The following CNTROB variants were observed in gnomAD, a reference collection of about 807,000 sequenced individuals.
CNTROB encodes the protein centrobin, centriole duplication and spindle assembly protein, also known as centrobin.
In CNTROB, 82 loss-of-function variants were observed where a neutral mutation model predicts 115.7. The observed-to-expected ratio is 0.71, with a 90% CI of 0.59 to 0.85. The LOEUF (loss-of-function observed/expected upper bound fraction) is 0.85, where lower values mean the gene tolerates loss of function less well. Among genes scored for constraint, CNTROB ranks in the 40% least tolerant of loss-of-function variants. CNTROB has a pLI of 0.00. For synonymous variants in CNTROB, 439 were observed against 456.4 expected (o/e 0.96, Z 0.49); for missense variants, 1,014 against 1,144.4 (o/e 0.89, Z 1.64).
chr17:7,938,652 T>C (rs2151749184), intron 7 of CNTROB, among the ~76,000 whole-genome samples: 2 of 152,348 alleles, frequency 1.3e-5, no homozygotes, highest in Admixed American at 1.3e-4. Flanking sequence ...CAGATAAGAA[T>C]GTATGCCTAA....
At chr17:7,936,317 G>A (rs1973161821) in intron 4 of CNTROB, 49 bp from the exon 5 acceptor site, 5 of 824,086 alleles carry the variant, frequency 6.1e-6, no homozygotes, top group Non-Finnish European at 8.7e-6. Context: ...TTGGTGCTGT[G>A]GTCATACCAA....
rs980209051 is a variant in CNTROB, at chr17:7,949,110, C to A, written c.2539C>A (p.Pro847Thr). The stretch of plus-strand genomic sequence containing the variant: ...GACTGATGGCCGAGGGGATAATGTC[C>A]CCAGAAGGAACACAGACTCCCGCTT... ...SGTDGRGDNVPRRNTDSRLGE... is the reference protein window; with the variant it reads ...SGTDGRGDNVTRRNTDSRLGE... The change falls in exon 18 of 19, where the codon CCC becomes ACC. Residue 847 changes from proline to threonine, a missense_variant. By Grantham distance (38) the Pro-to-Thr change is conservative. Coordinates refer to ENST00000563694, the MANE Select transcript of CNTROB (RefSeq NM_053051.5). The A allele has an allele frequency of 1.2e-5, 20 of 1,613,908 alleles. No homozygotes were observed. The highest frequency in any genetic ancestry group is 1.7e-5 in the Admixed American group (1 of 59,982).
chr17:7,934,758 A>T (rs781646089), intron 3 of CNTROB, among the ~76,000 whole-genome samples: 3 of 152,128 alleles, frequency 2.0e-5, no homozygotes, highest in African/African-American at 7.2e-5. Context: ...GCTTTCTCTT[A>T]ACCTGCAGTC....
At position 7,939,213 on chromosome 17, in the gene CNTROB, C is replaced by G. The variant is rs1973548875; in HGVS notation, c.928-300C>G. Among the ~76,000 whole-genome samples the G allele has an allele frequency of 6.6e-6, 1 of 152,096 alleles. No individual in the cohort carries two copies. Among genetic ancestry groups the G allele is most frequent in the African/African-American group, 2.4e-5 (1 of 41,394 alleles). Reference sequence around the variant, plus strand: ...GTTAGAGCGATTCTCCTGCCTTTGCCTCCCAAGTAGCTGGAATTACAGGCA... The same window carrying G: ...GTTAGAGCGATTCTCCTGCCTTTGCGTCCCAAGTAGCTGGAATTACAGGCA... On this transcript the variant is annotated intron_variant, in intron 7 of 18. Coordinates refer to ENST00000563694, the MANE Select transcript of CNTROB (RefSeq NM_053051.5). The surrounding 1 kb of genome is among the most constrained non-coding windows in gnomAD (Gnocchi z 4.4).
rs151219604 is a variant in CNTROB, at chr17:7,940,303, A to G, written c.1311+61A>G. On this transcript the variant is annotated intron_variant, in intron 9 of 18. Transcript: ENST00000563694. ...ACAGAAGTAGATCTGAGGCAGAGGG[A>G]CCTCTCAGGAGTTGTGGCAGACACT... is the stretch of plus-strand genomic sequence containing the variant. The G allele has an allele frequency of 4.3e-5, 64 of 1,475,794 alleles. No homozygotes were observed. In the East Asian group the frequency reaches 1.5e-3, roughly 35 times the overall value. The allele number at this position is 1,475,794 out of a possible 1,614,324, so 91.4% of individuals were successfully genotyped here. A position where few individuals can be genotyped will look rare whatever the true frequency, so the allele number is the denominator to read the frequency against.
At position 7,949,377 on chromosome 17, in the gene CNTROB, A is replaced by T. The variant is rs370915500; in HGVS notation, c.2587-8A>T. 3 of 1,613,310 alleles carry T rather than the reference A, an allele frequency of 1.9e-6. No individual in the cohort carries two copies. The highest frequency in any genetic ancestry group is 2.7e-5 in the African/African-American group (2 of 74,880). ...TGATTTCTTCCTCTCTCTTCCCTCA[A>T]CTCTCAGATTCCCTCCCAGGCTGTC... On this transcript the variant is annotated splice_polypyrimidine_tract_variant and splice_region_variant and intron_variant, in intron 18 of 18. Transcript: ENST00000563694.
chr17:7,947,174 A>AG (rs35596636), intron 13 of CNTROB, among the ~76,000 whole-genome samples: 58,078 of 147,868 alleles, frequency 0.39, 12,175 homozygotes, highest in East Asian at 0.75. Context: ...AAAAAAAAAA[A>AG]AAAGAGAGAT....
rs541158099 is a variant in CNTROB at position 7,932,360 on chromosome 17, G to A, written c.-720G>A. 1 of 166,696 alleles carries A rather than the reference G, an allele frequency of 6.0e-6. No homozygotes were observed. Among genetic ancestry groups the A allele is most frequent in the Non-Finnish European group, 1.3e-5 (1 of 76,444 alleles). The allele number at this position is 166,696 out of a possible 1,614,324, so 10.3% of individuals were successfully genotyped here. ...GTAGGCGGAACCAGGTGGTCGTCGGGGCAGAGGATCTCGGGCTAGGCTTGA... is the reference window on the plus strand; with the variant it reads ...GTAGGCGGAACCAGGTGGTCGTCGGAGCAGAGGATCTCGGGCTAGGCTTGA... On this transcript the variant is annotated 5_prime_UTR_variant, in exon 1 of 19. Coordinates refer to ENST00000563694, the MANE Select transcript of CNTROB (RefSeq NM_053051.5).
At position 7,936,715 on chromosome 17, in the gene CNTROB, G is replaced by T; in HGVS notation, c.726G>T (p.Val242=). 6.8e-7 allele frequency: 1 copy of T among 1,473,690 alleles called. No homozygotes were observed. The highest frequency in any genetic ancestry group is 9.5e-7 in the Non-Finnish European group (1 of 1,051,716). 91.3% of individuals were successfully genotyped at this position (1,473,690 alleles called of 1,614,324 possible). Residue 242 remains valine (V), a synonymous_variant, in exon 6 of 19, where the codon GTG becomes GTT. Transcript: ENST00000563694. ...IEQLDKTLAR[V]VEGWNRHEAE... ...CCCTACCTAAGACCCTGGCCCGTGT[G>T]GTGGAGGGCTGGAACCGGCATGAGG...
chr17:7,949,462 G>A lies in CNTROB; in HGVS notation c.2664G>A (p.Gly888=). ...AACCTCCCGCACGGAAGAAAAGTGG[G>A]CACCCTGCCCCGAGTAGCATGAGGA... ...TEKPPARKKS[G]HPAPSSMRSR... The change falls in exon 19 of 19, where the codon GGG becomes GGA. Residue 888 remains glycine, a synonymous_variant. Transcript: ENST00000563694. 1 of 1,614,158 alleles carries A rather than the reference G, an allele frequency of 6.2e-7. No homozygotes were observed. Among genetic ancestry groups the A allele is most frequent in the Non-Finnish European group, 8.5e-7 (1 of 1,180,036 alleles).
Position 7,948,917 on chromosome 17 carries a change from T to C in CNTROB, c.2514-168T>C. 2.7e-6 allele frequency: 4 copies of C among 1,495,912 alleles called. No individual in the cohort carries two copies. The highest frequency in any genetic ancestry group is 1.9e-4 in the Middle Eastern group (1 of 5,292). The allele number at this position is 1,495,912 out of a possible 1,614,324, so 92.7% of individuals were successfully genotyped here. A position where few individuals can be genotyped will look rare whatever the true frequency, so the allele number is the denominator to read the frequency against. On this transcript the variant is annotated intron_variant, in intron 17 of 18. Transcript: ENST00000563694. This position sits in a 1 kb window ranked among gnomAD's most constrained non-coding sequence, Gnocchi z 4.4. Reference sequence around the variant, plus strand: ...GAATCCTAGACTTTTGACTAGCTAGTGTAACTCGTTATTTACTTCCACTAA... The same window carrying C: ...GAATCCTAGACTTTTGACTAGCTAGCGTAACTCGTTATTTACTTCCACTAA...
At position 7,943,901 on chromosome 17, in the gene CNTROB, G is replaced by A. The variant is rs1272978092; in HGVS notation, c.1446-222G>A. 3.3e-5 allele frequency among the ~76,000 whole-genome samples: 5 copies of A among 152,152 alleles called. No homozygotes were observed. The highest frequency in any genetic ancestry group is 5.9e-5 in the Non-Finnish European group (4 of 68,020). On this transcript the variant is annotated intron_variant, in intron 10 of 18. Coordinates refer to ENST00000563694, the MANE Select transcript of CNTROB (RefSeq NM_053051.5). The surrounding 1 kb of genome is among the most constrained non-coding windows in gnomAD (Gnocchi z 4.7). ...TTCTCCTCACACCCATTCTGCTGCCGAGATTTTCTGGAACTGCTTCCGAAA... is the reference window on the plus strand; with the variant it reads ...TTCTCCTCACACCCATTCTGCTGCCAAGATTTTCTGGAACTGCTTCCGAAA...
Position 7,948,092 on chromosome 17 carries a change from G to T in CNTROB, c.2210-65G>T. On this transcript the variant is annotated intron_variant, in intron 15 of 18. Coordinates refer to ENST00000563694, the MANE Select transcript of CNTROB (RefSeq NM_053051.5). The surrounding 1 kb of genome is among the most constrained non-coding windows in gnomAD (Gnocchi z 4.4). ...AAGTAATAAAGCCTTATAAATGCTGGGTGGTGGGACTTCCTTGGTTCTATG... is the reference window on the plus strand; with the variant it reads ...AAGTAATAAAGCCTTATAAATGCTGTGTGGTGGGACTTCCTTGGTTCTATG... The T allele has an allele frequency of 6.2e-7, 1 of 1,603,616 alleles. No individual in the cohort carries two copies. The highest frequency in any genetic ancestry group is 8.5e-7 in the Non-Finnish European group (1 of 1,170,954).
chr17:7,949,805 CT>C lies in CNTROB; in HGVS notation c.*296del. The C allele has an allele frequency of 3.3e-6, 1 of 300,932 alleles. No homozygotes were observed. 18.6% of individuals were successfully genotyped at this position (300,932 alleles called of 1,614,324 possible). On this transcript the variant is annotated 3_prime_UTR_variant, in exon 19 of 19. Coordinates refer to ENST00000563694, the MANE Select transcript of CNTROB (RefSeq NM_053051.5). ...GCTAAAACCTGCAGAGCAATGAACTCTGGGTGGTAGTGGAATTATGGGTGAT... is the reference window on the plus strand; with the variant it reads ...GCTAAAACCTGCAGAGCAATGAACTCGGGTGGTAGTGGAATTATGGGTGAT...
chr17:7,936,462 A>C lies in CNTROB; in HGVS notation c.691A>C (p.Met231Leu). The change falls in exon 5 of 19, where the codon ATG (methionine) becomes CTG (leucine). Residue 231 changes from methionine to leucine, a missense_variant. By Grantham distance (15) the Met-to-Leu change is conservative. Coordinates refer to ENST00000563694, the MANE Select transcript of CNTROB (RefSeq NM_053051.5). Reference sequence around the variant, plus strand: ...GGCTGCCGACCGCAAGAAAGATACCATGATTGAACAACTGGACAAGGTACC... The same window carrying C: ...GGCTGCCGACCGCAAGAAAGATACCCTGATTGAACAACTGGACAAGGTACC... ...AVAADRKKDT[M>L]IEQLDKTLAR... 1 of 1,448,778 alleles carries C rather than the reference A, an allele frequency of 6.9e-7. No individual in the cohort carries two copies. The highest frequency in any genetic ancestry group is 2.3e-5 in the East Asian group (1 of 44,138). 89.7% of individuals were successfully genotyped at this position (1,448,778 alleles called of 1,614,324 possible).
chr17:7,936,322 T>C (rs368883752), intron 4 of CNTROB, 44 bp from the exon 5 acceptor site: 9 of 845,664 alleles, frequency 1.1e-5, no homozygotes, highest in Non-Finnish European at 1.7e-5. Context: ...GCTGTGGTCA[T>C]ACCAAAGATG....
In CNTROB at chr17:7,948,565, G is replaced by A; in HGVS notation, c.2459G>A (p.Gly820Glu). 1.2e-6 allele frequency: 2 copies of A among 1,614,176 alleles called. No homozygotes were observed. The highest frequency in any genetic ancestry group is 8.5e-7 in the Non-Finnish European group (1 of 1,180,022). ...LLRLYQARGW[G>E]ALPAEDLLLY... ...CGACTCTACCAGGCTCGGGGCTGGG[G>A]GGCTCTGCCTGCTGAGGATCTCCTG... The change falls in exon 17 of 19, where the codon GGG (glycine) becomes GAG (glutamate). Residue 820 changes from glycine (G) to glutamate (E), a missense_variant. Gly to Glu is a moderately conservative substitution (Grantham distance 98). Coordinates refer to ENST00000563694, the MANE Select transcript of CNTROB (RefSeq NM_053051.5). The surrounding 1 kb of genome is among the most constrained non-coding windows in gnomAD (Gnocchi z 4.4).
upstream of CNTROB, chr17:7,932,130 A>G: frequency 2.2e-6 from 1 of 455,058 alleles, no homozygotes; most frequent in Non-Finnish European, 4.0e-6. Context: ...CTCGGGATAC[A>G]GAAGTGATGT....
In CNTROB at chr17:7,933,108, C is replaced by A; in HGVS notation, c.29C>A (p.Ser10Ter). 6.2e-7 allele frequency: 1 copy of A among 1,614,114 alleles called. No individual in the cohort carries two copies. Among genetic ancestry groups the A allele is most frequent in the Non-Finnish European group, 8.5e-7 (1 of 1,180,012 alleles). Residue 10 changes from serine (S) to a stop codon, truncating the protein, a stop_gained, in exon 1 of 19, where the codon TCA becomes TAA. Transcript: ENST00000563694. LOFTEE classifies it high-confidence loss of function. The part of the protein sequence containing the change: MATSADSPS[S>*]PLGAEDLLSD... ...GCAACATCAGCTGACAGCCCCAGTT[C>A]ACCCCTCGGGGCGGAGGATCTCCTG... is the stretch of plus-strand genomic sequence containing the variant.
Sources: allele counts gnomAD v4.1 joint callset (sites outside exome capture counted in the v4.1 genomes callset), GRCh38; gene constraint gnomAD v4.1.1; non-coding constraint Gnocchi (gnomAD v3.1); transcripts MANE v1.5; gene names NCBI Gene and HGNC (gene_info 2026-07-23, HGNC 2026-07-21).